Variants in PPP2R5E observed in about 807,000 individuals in gnomAD.
The protein encoded by PPP2R5E is protein phosphatase 2 regulatory subunit B'epsilon.
Under a neutral mutation model 65.3 loss-of-function variants are expected in PPP2R5E, and 4 were observed. The observed-to-expected ratio is 0.06, with a 90% CI of 0.03 to 0.14. The LOEUF (loss-of-function observed/expected upper bound fraction) is 0.14. Among genes scored for constraint, PPP2R5E ranks in the 10% least tolerant of loss-of-function variants. The pLI, the probability that PPP2R5E is intolerant of heterozygous loss-of-function variation, is 1.00. For missense variants in PPP2R5E, 274 were observed against 556.1 expected, an observed-to-expected ratio of 0.49 and a Z score of 5.10; for synonymous variants, 183 against 187.4, an observed-to-expected ratio of 0.98 and a Z score of 0.19.
intron 4 of PPP2R5E, among the ~76,000 whole-genome samples, chr14:63,417,757 A>T (rs1886781530): frequency 6.6e-6 from 1 of 152,200 alleles, no homozygotes; most frequent in African/African-American, 2.4e-5. Flanking sequence ...AGAATACTCA[A>T]CCAGTTTGAC....
intron 3 of PPP2R5E, among the ~76,000 whole-genome samples, chr14:63,429,754 G>A (rs530922208): frequency 6.6e-6 from 1 of 151,844 alleles, no homozygotes; most frequent in Non-Finnish European, 1.5e-5. Context: ...CACCATCTTG[G>A]CTCACTGCAA....
At chr14:63,408,846 G>C in intron 5 of PPP2R5E, among the ~76,000 whole-genome samples, 1 of 152,192 alleles carries the variant, frequency 6.6e-6, no homozygotes, top group East Asian at 1.9e-4. Context: ...TGTATTGCCA[G>C]CACTTTGGGA....
At chr14:63,463,660 G>A (rs112250387) in intron 2 of PPP2R5E, among the ~76,000 whole-genome samples, 4,401 of 148,828 alleles carry the variant, frequency 0.03, 189 homozygotes, top group African/African-American at 0.099. Context: ...GCAGTGGCAC[G>A]ATCTCGGCTC....
chr14:63,437,024 A>G (rs988638492), intron 3 of PPP2R5E, among the ~76,000 whole-genome samples: 2 of 152,250 alleles, frequency 1.3e-5, no homozygotes, highest in African/African-American at 4.8e-5. Flanking sequence ...AACAGGATGC[A>G]TAAAGAAGGC....
At chr14:63,531,099 C>G (rs941632132) in intron 2 of PPP2R5E, among the ~76,000 whole-genome samples, 2 of 152,128 alleles carry the variant, frequency 1.3e-5, no homozygotes, top group African/African-American at 2.4e-5. Flanking sequence ...ACTCGGGAGG[C>G]GGAGGTTGCA....
intron 3 of PPP2R5E, among the ~76,000 whole-genome samples, chr14:63,435,621 A>G (rs1485962728): frequency 1.3e-5 from 2 of 152,206 alleles, no homozygotes; most frequent in Non-Finnish European, 2.9e-5. Context: ...TACAAGATTA[A>G]GTCTAACCTC....
intron 11 of PPP2R5E, among the ~76,000 whole-genome samples, chr14:63,389,296 C>A (rs1478560300): frequency 6.6e-6 from 1 of 152,066 alleles, no homozygotes; most frequent in Non-Finnish European, 1.5e-5. Context: ...CACCAGCCCA[C>A]TTATTTAGAA....
At chr14:63,502,558 T>C (rs1299511366) in intron 2 of PPP2R5E, among the ~76,000 whole-genome samples, 3 of 151,862 alleles carry the variant, frequency 2.0e-5, no homozygotes, top group Non-Finnish European at 4.4e-5. Flanking sequence ...TCCCAGCTAC[T>C]CGGGAGACTG....
rs1019524573 is a variant in PPP2R5E, at chr14:63,440,722, AGCTCAGGGAATCGAGACCATCCTG to A, written c.354+12943_354+12966del. Reference sequence around the variant, plus strand: ...GGGAGGCCGAGGCAGGCGCATCATGAGCTCAGGGAATCGAGACCATCCTGGCTAACACAGTGAAACTCCGTCTCT... The same window carrying A: ...GGGAGGCCGAGGCAGGCGCATCATGAGCTAACACAGTGAAACTCCGTCTCT... On this transcript the variant is annotated intron_variant, in intron 3 of 13. Transcript: ENST00000337537. Among the ~76,000 whole-genome samples the A allele has an allele frequency of 3.2e-4, 48 of 149,758 alleles. 1 individual carries two copies. The highest frequency in any genetic ancestry group is 1.2e-3 in the African/African-American group (48 of 40,256).
chr14:63,485,412 GT>G (rs1594928987), intron 2 of PPP2R5E, among the ~76,000 whole-genome samples: 1 of 151,698 alleles, frequency 6.6e-6, no homozygotes, highest in East Asian at 1.9e-4. Flanking sequence ...TTTTTTGTTC[GT>G]TTTTTGGGGG....
At chr14:63,463,102 CAAAAA>C (rs35267340) in intron 2 of PPP2R5E, among the ~76,000 whole-genome samples, 1 of 88,652 alleles carries the variant, frequency 1.1e-5, no homozygotes. Context: ...AACTCCATCT[CAAAAA>C]AAAAAAAAAA....
At chr14:63,529,626 C>T (rs1594976343) in intron 2 of PPP2R5E, among the ~76,000 whole-genome samples, 1 of 151,538 alleles carries the variant, frequency 6.6e-6, no homozygotes, top group Admixed American at 6.6e-5. Flanking sequence ...ATCCACCAAC[C>T]TCAGCCTCCC....
chr14:63,511,244 T>C (rs969224292), intron 2 of PPP2R5E, among the ~76,000 whole-genome samples: 1 of 152,334 alleles, frequency 6.6e-6, no homozygotes, highest in Non-Finnish European at 1.5e-5. Context: ...TGCCCTCTCT[T>C]ACTGCTTTAG....
At chr14:63,499,807 T>C (rs913708045) in intron 2 of PPP2R5E, among the ~76,000 whole-genome samples, 3 of 152,126 alleles carry the variant, frequency 2.0e-5, no homozygotes, top group African/African-American at 7.2e-5. Context: ...AGTCCAGTTG[T>C]CTCATTTTAC....
intron 3 of PPP2R5E, 95 bp from the exon 4 acceptor site, chr14:63,422,189 A>T: frequency 1.0e-6 from 1 of 976,060 alleles, no homozygotes; most frequent in Non-Finnish European, 1.6e-6. Flanking sequence ...CCCAGATAAC[A>T]ATGCACAAGG....
At chr14:63,528,439 T>A (rs1422367266) in intron 2 of PPP2R5E, among the ~76,000 whole-genome samples, 1 of 152,208 alleles carries the variant, frequency 6.6e-6, no homozygotes, top group Non-Finnish European at 1.5e-5. Context: ...ATGAAAGTGA[T>A]GAATTTGCAA....
At chr14:63,429,070 C>T (rs1887487377) in intron 3 of PPP2R5E, among the ~76,000 whole-genome samples, 1 of 152,070 alleles carries the variant, frequency 6.6e-6, no homozygotes, top group African/African-American at 2.4e-5. Flanking sequence ...CTTTGAATTT[C>T]CTGTAGTTAT....
rs544208232 is a variant in PPP2R5E, at chr14:63,423,162, T to G, written c.355-1068A>C. 8.5e-4 allele frequency among the ~76,000 whole-genome samples: 130 copies of G among 152,360 alleles called. 1 individual carries two copies. The highest frequency in any genetic ancestry group is 2.7e-3 in the African/African-American group (113 of 41,590). ...CACGCTGGAGTGCAGTGACGCAATC[T>G]TGGCTCACTGCAACCTCCTGCCTCC... On this transcript the variant is annotated intron_variant, in intron 3 of 13. Coordinates refer to ENST00000337537, the MANE Select transcript of PPP2R5E (RefSeq NM_006246.5).
At chr14:63,541,823 A>T (rs911591183) in intron 1 of PPP2R5E, among the ~76,000 whole-genome samples, 1 of 145,098 alleles carries the variant, frequency 6.9e-6, no homozygotes, top group Non-Finnish European at 1.5e-5. Flanking sequence ...GGTTTTCTTT[A>T]AAAAAAAAAA....
Sources: gnomAD v4.1 joint callset for allele counts (sites outside exome capture counted in the v4.1 genomes callset) on GRCh38, gnomAD v4.1.1 for gene constraint, MANE v1.5 for transcripts, NCBI Gene and HGNC (gene_info 2026-07-23, HGNC 2026-07-21) for gene names.